The following GFOD1 variants were observed in gnomAD, a reference collection of about 807,000 sequenced individuals.
GFOD1 encodes the protein glucose-fructose oxidoreductase domain-containing protein 1.
GFOD1 carries 9 observed loss-of-function variants against 25.4 expected under a neutral mutation model. The observed-to-expected ratio is 0.35, with a 90% CI of 0.21 to 0.62. The LOEUF is 0.62. Among genes scored for constraint, GFOD1 ranks in the 20% least tolerant of loss-of-function variants. GFOD1 has a pLI of 0.72. For synonymous variants in GFOD1, 253 were observed against 245.6 expected, an observed-to-expected ratio of 1.03 and a Z score of -0.28; for missense variants, 403 against 556.9, an observed-to-expected ratio of 0.72 and a Z score of 2.78.
intron 1 of GFOD1, among the ~76,000 whole-genome samples, chr6:13,392,963 G>A (rs1403507597): frequency 6.6e-6 from 1 of 151,998 alleles, no homozygotes; most frequent in African/African-American, 2.4e-5. Flanking sequence ...TTGGGGGGCT[G>A]AGGCAGGAGG....
At chr6:13,422,430 T>C (rs943027974) in intron 1 of GFOD1, among the ~76,000 whole-genome samples, 1 of 151,990 alleles carries the variant, frequency 6.6e-6, no homozygotes, top group Non-Finnish European at 1.5e-5. Flanking sequence ...GTCCCCAAGA[T>C]GCTACACAGA....
intron 1 of GFOD1, among the ~76,000 whole-genome samples, chr6:13,472,699 T>C (rs1298304655): frequency 1.3e-5 from 2 of 152,170 alleles, no homozygotes; most frequent in African/African-American, 4.8e-5. Flanking sequence ...GCCTTTTCCA[T>C]TGACCAAAAA....
intron 1 of GFOD1, among the ~76,000 whole-genome samples, chr6:13,475,255 T>C (rs1046652059): frequency 1.3e-5 from 2 of 152,194 alleles, no homozygotes; most frequent in African/African-American, 2.4e-5. Context: ...TACTTCTACA[T>C]ACCAACTATA....
At chr6:13,420,534 T>C (rs979305690) in intron 1 of GFOD1, among the ~76,000 whole-genome samples, 1 of 152,170 alleles carries the variant, frequency 6.6e-6, no homozygotes, top group Non-Finnish European at 1.5e-5. Flanking sequence ...CCAATCGAGA[T>C]GGATCCCAGA....
intron 1 of GFOD1, among the ~76,000 whole-genome samples, chr6:13,400,938 G>A (rs1282480121): frequency 1.3e-5 from 2 of 152,334 alleles, no homozygotes; most frequent in South Asian, 2.1e-4. Context: ...AGTACAGGGG[G>A]TGGGGACAGG....
At chr6:13,449,169 C>T (rs1041200226) in intron 1 of GFOD1, among the ~76,000 whole-genome samples, 1 of 152,110 alleles carries the variant, frequency 6.6e-6, no homozygotes, top group Admixed American at 6.5e-5. Flanking sequence ...CACATGCCTA[C>T]AGTCCCAGCT....
intron 1 of GFOD1, among the ~76,000 whole-genome samples, chr6:13,450,577 T>C (rs1033132675): frequency 2.0e-5 from 3 of 152,184 alleles, no homozygotes; most frequent in Non-Finnish European, 4.4e-5. Context: ...TGGATCACAC[T>C]GGACGTGCTT....
In GFOD1 at chr6:13,374,273, T is replaced by TTGTG. The variant is rs567594703; in HGVS notation, c.254-8615_254-8612dup. ...GTCTTTTTAAAAATATGTTTTTTTT[T>TTGTG]TGTGTGTGTGTGTGTGTGTGTGTGT... On this transcript the variant is annotated intron_variant, in intron 1 of 1. Transcript: ENST00000379287. Among the ~76,000 whole-genome samples the TTGTG allele has an allele frequency of 7.9e-3, 1,063 of 134,392 alleles. 10 individuals carry two copies. Among genetic ancestry groups the TTGTG allele is most frequent in the Middle Eastern group, 0.019 (5 of 260 alleles). 88.2% of individuals were successfully genotyped at this position (134,392 alleles called of 152,430 possible).
chr6:13,470,501 T>TG (rs1363226988), intron 1 of GFOD1: 2 of 1,549,814 alleles, frequency 1.3e-6, no homozygotes, highest in African/African-American at 2.7e-5. Context: ...AGCAGCATCG[T>TG]GGGGGGTAAA....
intron 1 of GFOD1, among the ~76,000 whole-genome samples, chr6:13,469,057 T>A (rs892564265): frequency 7.9e-5 from 12 of 152,168 alleles, no homozygotes; most frequent in African/African-American, 2.7e-4. Context: ...CACAGGGCAT[T>A]GTGACAATAA....
chr6:13,398,385 T>C (rs1051102642), intron 1 of GFOD1, among the ~76,000 whole-genome samples: 2 of 152,240 alleles, frequency 1.3e-5, no homozygotes, highest in African/African-American at 4.8e-5. Context: ...TTTATCCTTT[T>C]GAAATGTTCC....
At chr6:13,412,394 A>G (rs1786091561) in intron 1 of GFOD1, among the ~76,000 whole-genome samples, 1 of 152,160 alleles carries the variant, frequency 6.6e-6, no homozygotes, top group Admixed American at 6.5e-5. Flanking sequence ...GGAGAAACCA[A>G]CCCTGCTGGC....
At chr6:13,406,616 T>A (rs1175037658) in intron 1 of GFOD1, among the ~76,000 whole-genome samples, 1 of 152,210 alleles carries the variant, frequency 6.6e-6, no homozygotes, top group Admixed American at 6.5e-5. Context: ...CCTTACTTGA[T>A]GCTAAGTGCA....
chr6:13,486,920 T>C lies in GFOD1; in HGVS notation c.-30A>G, dbSNP rs1306657330. Reference sequence around the variant, plus strand: ...GCTCAGAGCCGCCTGGTTCTGCTTCTGCTCGGATCTCCAGTCCAACGCGCG... The same window carrying C: ...GCTCAGAGCCGCCTGGTTCTGCTTCCGCTCGGATCTCCAGTCCAACGCGCG... On this transcript the variant is annotated 5_prime_UTR_variant, in exon 1 of 2. Coordinates refer to ENST00000379287, the MANE Select transcript of GFOD1 (RefSeq NM_018988.4). 3.1e-6 allele frequency: 5 copies of C among 1,597,212 alleles called. No homozygotes were observed. Among genetic ancestry groups the C allele is most frequent in the African/African-American group, 2.7e-5 (2 of 74,956 alleles).
intron 1 of GFOD1, among the ~76,000 whole-genome samples, chr6:13,451,650 A>G (rs1447037972): frequency 6.6e-6 from 1 of 152,232 alleles, no homozygotes; most frequent in Admixed American, 6.5e-5. Flanking sequence ...CCTTGGCCCC[A>G]GGCAAACAGG....
At chr6:13,446,688 C>A (rs1028225027) in intron 1 of GFOD1, among the ~76,000 whole-genome samples, 1 of 152,178 alleles carries the variant, frequency 6.6e-6, no homozygotes, top group Non-Finnish European at 1.5e-5. Flanking sequence ...ATGCAAGTGG[C>A]CACCAGCTAC....
intron 1 of GFOD1, among the ~76,000 whole-genome samples, chr6:13,449,644 G>A (rs2127573565): frequency 6.6e-6 from 1 of 152,218 alleles, no homozygotes. Context: ...CCCCCATATT[G>A]TTCTCATGGT....
chr6:13,409,153 G>GAAAGAAAGAAAGAAAAAGAAA, intron 1 of GFOD1, among the ~76,000 whole-genome samples: 1 of 44,510 alleles, frequency 2.2e-5, no homozygotes, highest in African/African-American at 6.5e-5. Flanking sequence ...AAGAAAGAGA[G>GAAAGAAAGAAAGAAAAAGAAA]GAAAGAAAGA....
intron 1 of GFOD1, among the ~76,000 whole-genome samples, chr6:13,402,997 A>G (rs1785876421): frequency 6.6e-6 from 1 of 152,026 alleles, no homozygotes; most frequent in African/African-American, 2.4e-5. Context: ...TCATGGGAAT[A>G]TGTTCTGAGA....
Sources: gnomAD v4.1 joint callset for allele counts (sites outside exome capture counted in the v4.1 genomes callset) on GRCh38, gnomAD v4.1.1 for gene constraint, MANE v1.5 for transcripts, NCBI Gene and HGNC (gene_info 2026-07-23, HGNC 2026-07-21) for gene names.